The following NTRK3 variants were observed in gnomAD, a reference collection of about 807,000 sequenced individuals.
NTRK3 encodes the protein neurotrophic receptor tyrosine kinase 3.
In NTRK3, 24 loss-of-function variants were observed where a neutral mutation model predicts 91.7. That is an observed-to-expected ratio of 0.26 (90% CI 0.19 to 0.37). The LOEUF is 0.37. Among genes scored for constraint, NTRK3 ranks in the 10% least tolerant of loss-of-function variants. NTRK3 has a pLI of 1.00. For synonymous variants in NTRK3, 483 were observed against 404.0 expected, an observed-to-expected ratio of 1.20 and a Z score of -2.34; for missense variants, 880 against 1,068.9, an observed-to-expected ratio of 0.82 and a Z score of 2.46.
At chr15:87,867,738 T>A (rs2064724258) in exon 19 of NTRK3, 1 of 228,750 alleles carries the variant, frequency 4.4e-6, no homozygotes, top group Non-Finnish European at 8.7e-6. Flanking sequence ...ATCTGACTAC[T>A]TGTTTCAGCC....
At chr15:88,067,926 A>T (rs746087309) in intron 13 of NTRK3, among the ~76,000 whole-genome samples, 1 of 152,172 alleles carries the variant, frequency 6.6e-6, no homozygotes, top group Non-Finnish European at 1.5e-5. Context: ...TGTTGTTATT[A>T]TCCTCATTAT....
At chr15:88,131,654 C>T (rs1406064859) in intron 10 of NTRK3, among the ~76,000 whole-genome samples, 3 of 152,194 alleles carry the variant, frequency 2.0e-5, no homozygotes, top group Non-Finnish European at 4.4e-5. Flanking sequence ...TCTCATAAGG[C>T]TCCCATTTAT....
intron 5 of NTRK3, among the ~76,000 whole-genome samples, chr15:88,158,640 G>A (rs558040532): frequency 6.6e-5 from 10 of 152,298 alleles, no homozygotes; most frequent in Middle Eastern, 3.4e-3. Flanking sequence ...GGGGTGGGTG[G>A]GCATTGCTCC....
chr15:88,105,815 A>G (rs903620978), intron 13 of NTRK3, among the ~76,000 whole-genome samples: 1 of 152,088 alleles, frequency 6.6e-6, no homozygotes, highest in African/African-American at 2.4e-5. Context: ...CCCTGTGCCA[A>G]ATGCTTTCCA....
intron 14 of NTRK3, among the ~76,000 whole-genome samples, chr15:88,007,421 G>C (rs1000328856): frequency 1.3e-5 from 2 of 152,152 alleles, no homozygotes; most frequent in African/African-American, 4.8e-5. Flanking sequence ...CTTGGGCCAG[G>C]ATAGGACAAC....
At chr15:88,075,615 G>T (rs2047474042) in intron 13 of NTRK3, among the ~76,000 whole-genome samples, 1 of 152,078 alleles carries the variant, frequency 6.6e-6, no homozygotes, top group African/African-American at 2.4e-5. Flanking sequence ...TGTTGTTGTT[G>T]TTGTTGTTGC....
intron 6 of NTRK3, among the ~76,000 whole-genome samples, chr15:88,143,605 C>A (rs1243201942): frequency 6.6e-6 from 1 of 152,130 alleles, no homozygotes. Context: ...TCCTTCTTCA[C>A]AAATTTATTA....
chr15:87,997,977 AAAC>A (rs1386420529), intron 14 of NTRK3, among the ~76,000 whole-genome samples: 2 of 152,358 alleles, frequency 1.3e-5, no homozygotes, highest in African/African-American at 4.8e-5. Context: ...TCCGTCACAA[AAAC>A]ATCATGAGCT....
intron 13 of NTRK3, among the ~76,000 whole-genome samples, chr15:88,044,981 T>A (rs2080042773): frequency 6.6e-6 from 1 of 152,208 alleles, no homozygotes; most frequent in Non-Finnish European, 1.5e-5. Flanking sequence ...GATGGACTAT[T>A]GCAGGTGCTT....
exon 19 of NTRK3, chr15:87,871,229 A>T: frequency 4.3e-6 from 1 of 231,238 alleles, no homozygotes; most frequent in East Asian, 6.1e-5. Context: ...GTTGCAAACT[A>T]TAGATACTTT....
intron 13 of NTRK3, among the ~76,000 whole-genome samples, chr15:88,083,913 C>G (rs1454560430): frequency 6.6e-6 from 1 of 152,044 alleles, no homozygotes; most frequent in East Asian, 1.9e-4. Flanking sequence ...AATCCCACAG[C>G]CTCCAATTCT....
At chr15:88,088,524 T>C (rs894805612) in intron 13 of NTRK3, among the ~76,000 whole-genome samples, 2 of 152,300 alleles carry the variant, frequency 1.3e-5, no homozygotes, top group Admixed American at 6.5e-5. Context: ...GTAATTGTAA[T>C]AACATGTTGT....
At chr15:88,135,350 G>A (rs2151195742) in exon 10 of NTRK3, 1 of 1,614,180 alleles carries the variant, frequency 6.2e-7, no homozygotes, top group Non-Finnish European at 8.5e-7. Flanking sequence ...TCGATGCAGT[G>A]CTCCAGGCGC....
At chr15:87,989,705 A>G (rs2075136625) in intron 14 of NTRK3, among the ~76,000 whole-genome samples, 1 of 152,098 alleles carries the variant, frequency 6.6e-6, no homozygotes, top group South Asian at 2.1e-4. Flanking sequence ...CGAAAAAAAA[A>G]AAGAGATTCT....
intron 14 of NTRK3, among the ~76,000 whole-genome samples, chr15:87,997,644 G>A (rs1277253063): frequency 6.6e-6 from 1 of 152,132 alleles, no homozygotes; most frequent in African/African-American, 2.4e-5. Flanking sequence ...ATGTGATCAA[G>A]TGTTATCATT....
chr15:88,127,817 AC>A (rs1462185776), intron 11 of NTRK3, among the ~76,000 whole-genome samples: 1 of 152,164 alleles, frequency 6.6e-6, no homozygotes, highest in African/African-American at 2.4e-5. Context: ...GAACCATCTG[AC>A]CGGGAAACAC....
At chr15:88,211,408 A>C (rs896268398) in intron 3 of NTRK3, among the ~76,000 whole-genome samples, 1 of 152,244 alleles carries the variant, frequency 6.6e-6, no homozygotes, top group African/African-American at 2.4e-5. Context: ...TTCATTCATC[A>C]GATGATGGAC....
At chr15:88,034,978 A>G (rs529857120) in intron 13 of NTRK3, among the ~76,000 whole-genome samples, 262 of 152,342 alleles carry the variant, frequency 1.7e-3, no homozygotes, top group Non-Finnish European at 3.0e-3. Context: ...CTCCTCAAAC[A>G]TACACTAACC....
intron 3 of NTRK3, among the ~76,000 whole-genome samples, chr15:88,206,354 A>C (rs1276961116): frequency 1.5e-5 from 2 of 129,900 alleles, no homozygotes; most frequent in East Asian, 2.3e-4. Context: ...AAAAAAAAAA[A>C]CCAAAAAACA....
Sources: allele counts gnomAD v4.1 joint callset (sites outside exome capture counted in the v4.1 genomes callset), GRCh38; gene constraint gnomAD v4.1.1; transcripts MANE v1.5; gene names NCBI Gene and HGNC (gene_info 2026-07-23, HGNC 2026-07-21).